Variants in MED13 observed in about 807,000 individuals in gnomAD.
MED13 encodes the protein mediator of RNA polymerase II transcription subunit 13.
Under a neutral mutation model 225.2 loss-of-function variants are expected in MED13, and 23 were observed. The ratio of observed to expected loss-of-function variants is 0.10; its 90% CI spans 0.07 to 0.14. The LOEUF is 0.14. MED13 is among the 10% of genes least tolerant of loss of function. MED13 has a pLI of 1.00. For synonymous variants in MED13, 942 were observed against 889.2 expected (o/e 1.06, Z -1.06); for missense variants, 2,197 against 2,594.5 (o/e 0.85, Z 3.33).
At chr17:62,056,355 A>G (rs1049681251) in intron 2 of MED13, among the ~76,000 whole-genome samples, 4 of 152,248 alleles carry the variant, frequency 2.6e-5, no homozygotes, top group Non-Finnish European at 4.4e-5. Context: ...GAATCTCAAC[A>G]CCAGCATTAT....
chr17:61,964,343 C>G (rs1423715899), intron 20 of MED13, among the ~76,000 whole-genome samples: 1 of 151,558 alleles, frequency 6.6e-6, no homozygotes, highest in East Asian at 2.0e-4. Flanking sequence ...GAGGCTGAGG[C>G]AGGCAGATTG....
chr17:61,952,953 T>C lies in MED13; in HGVS notation c.6117+12A>G. 6.2e-7 allele frequency: 1 copy of C among 1,608,984 alleles called. No homozygotes were observed. The highest frequency in any genetic ancestry group is 8.5e-7 in the Non-Finnish European group (1 of 1,178,520). On this transcript the variant is annotated intron_variant, in intron 27 of 29. Coordinates refer to ENST00000397786, the MANE Select transcript of MED13 (RefSeq NM_005121.3). Reference sequence around the variant, plus strand: ...CCCGGCCGAGAAAAACTAAAACTTGTAACACAGTTACCTTGCCCGCATCAC... The same window carrying C: ...CCCGGCCGAGAAAAACTAAAACTTGCAACACAGTTACCTTGCCCGCATCAC...
intron 1 of MED13, among the ~76,000 whole-genome samples, chr17:62,063,966 A>C (rs1603411045): frequency 6.6e-6 from 1 of 152,226 alleles, no homozygotes; most frequent in Non-Finnish European, 1.5e-5. Context: ...AAAGAAAAAC[A>C]TACTGTAGAC....
chr17:62,038,859 G>A (rs1028470220), intron 3 of MED13, among the ~76,000 whole-genome samples: 36 of 151,838 alleles, frequency 2.4e-4, no homozygotes, highest in African/African-American at 8.7e-4. Flanking sequence ...GGATGGCAGG[G>A]GCGGGGGGGC....
chr17:62,062,146 A>G (rs1393016034), intron 2 of MED13, among the ~76,000 whole-genome samples: 2 of 152,208 alleles, frequency 1.3e-5, no homozygotes, highest in Non-Finnish European at 2.9e-5. Context: ...CTTAAAAAAA[A>G]TTATCTAGAA....
At chr17:61,973,960 G>A (rs2080131329) in intron 16 of MED13, among the ~76,000 whole-genome samples, 1 of 152,112 alleles carries the variant, frequency 6.6e-6, no homozygotes, top group Admixed American at 6.6e-5. Flanking sequence ...TCCAGCTTGG[G>A]TGACAAAGTG....
At chr17:61,964,095 G>T (rs548874040) in intron 20 of MED13, among the ~76,000 whole-genome samples, 1 of 152,294 alleles carries the variant, frequency 6.6e-6, no homozygotes, top group South Asian at 2.1e-4. Context: ...GGTCAATAGT[G>T]ACTTCTCAAT....
intron 16 of MED13, among the ~76,000 whole-genome samples, 181 bp from the exon 17 acceptor site, chr17:61,973,069 T>C (rs1483109297): frequency 2.0e-5 from 3 of 152,236 alleles, no homozygotes; most frequent in Admixed American, 1.3e-4. Flanking sequence ...AAGGTTCTTC[T>C]AGATTCTTAC....
intron 8 of MED13, among the ~76,000 whole-genome samples, chr17:62,022,152 A>C (rs543546540): frequency 7.1e-6 from 1 of 141,226 alleles, no homozygotes; most frequent in East Asian, 2.2e-4. Context: ...TGGGCAACAG[A>C]GCAAGACTGT....
At position 61,946,580 on chromosome 17, in the gene MED13, T is replaced by C. The variant is rs769730175; in HGVS notation, c.6413A>G (p.Asn2138Ser). The stretch of plus-strand genomic sequence containing the variant: ...GTCACAGGTTAGCCAGGAGAGTGCA[T>C]TGTACTGTTCCAAAACAAACCTGAA... ...DVLRFVLEQY[N>S]ALSWLTCDPA... The change falls in exon 30 of 30, where the codon AAT becomes AGT. Residue 2138 changes from asparagine to serine, a missense_variant. Coordinates refer to ENST00000397786, the MANE Select transcript of MED13 (RefSeq NM_005121.3). The C allele has an allele frequency of 1.9e-6, 3 of 1,613,640 alleles. No individual in the cohort carries two copies. The highest frequency in any genetic ancestry group is 2.7e-5 in the African/African-American group (2 of 74,888).
chr17:61,963,202 CAAAAAAAAAAAAAAAAA>C (rs11290002), intron 20 of MED13, among the ~76,000 whole-genome samples: 2 of 55,770 alleles, frequency 3.6e-5, no homozygotes, highest in South Asian at 1.1e-3. Flanking sequence ...TTAAATTTAC[CAAAAAAAAAAAAAAAAA>C]AAAAAAAAAA....
chr17:61,989,047 T>C (rs941197186), intron 11 of MED13, among the ~76,000 whole-genome samples: 2 of 151,448 alleles, frequency 1.3e-5, no homozygotes, highest in African/African-American at 4.9e-5. Context: ...AGTCTCGCTC[T>C]GTCGCCCAGG....
intron 9 of MED13, among the ~76,000 whole-genome samples, chr17:62,001,252 TCTC>T (rs879606271): frequency 6.6e-6 from 1 of 152,162 alleles, no homozygotes; most frequent in Non-Finnish European, 1.5e-5. Context: ...CTCCTGTTAT[TCTC>T]CTACTTTACT....
intron 2 of MED13, among the ~76,000 whole-genome samples, chr17:62,062,568 CAT>C (rs759800699): frequency 4.1e-5 from 6 of 144,746 alleles, no homozygotes; most frequent in Non-Finnish European, 9.0e-5. Flanking sequence ...TAACAAAATA[CAT>C]GCCTTAAAAC....
intron 7 of MED13, 93 bp from the exon 8 acceptor site, chr17:62,029,744 A>G: frequency 6.6e-7 from 1 of 1,506,194 alleles, no homozygotes; most frequent in South Asian, 1.2e-5. Flanking sequence ...GATCAACATT[A>G]TGAGTTAAAG....
At chr17:62,058,229 A>G (rs2081010359) in intron 2 of MED13, among the ~76,000 whole-genome samples, 1 of 152,254 alleles carries the variant, frequency 6.6e-6, no homozygotes, top group East Asian at 1.9e-4. Context: ...TTTAAAAAAA[A>G]GGGGCCAGGC....
chr17:62,051,874 A>C (rs761799842), intron 3 of MED13, among the ~76,000 whole-genome samples: 7 of 152,304 alleles, frequency 4.6e-5, no homozygotes, highest in South Asian at 2.1e-4. Context: ...AAATCTTTTG[A>C]GAGACTATGC....
chr17:62,020,293 G>A (rs1190677095), intron 8 of MED13, among the ~76,000 whole-genome samples: 1 of 151,764 alleles, frequency 6.6e-6, no homozygotes, highest in Non-Finnish European at 1.5e-5. Flanking sequence ...AATAAATAGT[G>A]CACATTTAAG....
chr17:62,043,315 T>C (rs2080871610), intron 3 of MED13, among the ~76,000 whole-genome samples: 2 of 152,106 alleles, frequency 1.3e-5, no homozygotes, highest in Non-Finnish European at 2.9e-5. Flanking sequence ...ATGCAAATTC[T>C]AGTGACATCA....
Sources: allele counts gnomAD v4.1 joint callset (sites outside exome capture counted in the v4.1 genomes callset), GRCh38; gene constraint gnomAD v4.1.1; transcripts MANE v1.5; gene names NCBI Gene and HGNC (gene_info 2026-07-23, HGNC 2026-07-21).